IKZF1: variants seen among roughly 807,000 people sequenced by gnomAD.
IKZF1 encodes the protein DNA-binding protein Ikaros.
In IKZF1, 10 loss-of-function variants were observed where a neutral mutation model predicts 51.7. The ratio of observed to expected loss-of-function variants is 0.19; its 90% CI spans 0.12 to 0.33. The LOEUF (loss-of-function observed/expected upper bound fraction) is 0.33, where lower values mean the gene tolerates loss of function less well. Among genes scored for constraint, IKZF1 ranks in the 10% least tolerant of loss-of-function variants. The probability of loss-of-function intolerance (pLI) is 1.00; values close to 1 mark genes in which losing one functional copy is unlikely to be tolerated. For synonymous variants in IKZF1, 280 were observed against 282.3 expected, an observed-to-expected ratio of 0.99 and a Z score of 0.08; for missense variants, 484 against 707.5, an observed-to-expected ratio of 0.68 and a Z score of 3.58.
rs1237905321 is a variant in IKZF1 at position 50,399,940 on chromosome 7, G to T, written c.873G>T (p.Thr291=). The T allele has an allele frequency of 3.1e-6, 5 of 1,612,908 alleles. No individual in the cohort carries two copies. The highest frequency in any genetic ancestry group is 4.2e-6 in the Non-Finnish European group (5 of 1,179,656). Residue 291 remains threonine (T), a synonymous_variant, in exon 8 of 8, where the codon ACG becomes ACT. Coordinates refer to ENST00000331340, the MANE Select transcript of IKZF1 (RefSeq NM_006060.6). ...KFLGDKGLSD[T]PYDSSASYEK... is the part of the protein sequence containing the mutation. ...CAGGGGACAAGGGCCTGTCCGACAC[G>T]CCCTACGACAGCAGCGCCAGCTACG...
At chr7:50,304,298 C>T (rs1329756031), upstream of IKZF1, 3 of 149,398 alleles carry the variant, frequency 2.0e-5, no homozygotes, top group Non-Finnish European at 4.5e-5. Flanking sequence ...GTGTCCCGCT[C>T]TGCGCCCTTC....
Position 50,392,388 on chromosome 7 carries a change from T to TA in IKZF1, c.850+534dup, listed in dbSNP as rs543654509. On this transcript the variant is annotated intron_variant, in intron 7 of 7. Coordinates refer to ENST00000331340, the MANE Select transcript of IKZF1 (RefSeq NM_006060.6). Reference sequence around the variant, plus strand: ...TGTTTTGCCTAATGCTCTGCGGGATTAAAAAAAAAGAAGAAGAAGAACAAG... The same window carrying TA: ...TGTTTTGCCTAATGCTCTGCGGGATTAAAAAAAAAAGAAGAAGAAGAACAAG... Among the ~76,000 whole-genome samples, 1,224 of 150,056 alleles carry TA rather than the reference T, an allele frequency of 8.2e-3. 20 individuals are homozygous for TA. The highest frequency in any genetic ancestry group is 0.025 in the African/African-American group (1,018 of 40,816).
intron 4 of IKZF1, among the ~76,000 whole-genome samples, chr7:50,378,290 C>T (rs547836588): frequency 6.6e-6 from 1 of 152,212 alleles, no homozygotes; most frequent in Admixed American, 6.5e-5. Context: ...TTCTAATGGC[C>T]CCTTTATCCT....
rs1049878518 is a variant in IKZF1, at chr7:50,404,157, C to G, written c.*3530C>G. On this transcript the variant is annotated 3_prime_UTR_variant, in exon 8 of 8. Transcript: ENST00000331340. ...TATGCAATATTGTTTCCAATACTTTCTAATACAGTTTTTTATAATGTTGTG... is the reference window on the plus strand; with the variant it reads ...TATGCAATATTGTTTCCAATACTTTGTAATACAGTTTTTTATAATGTTGTG... The G allele has an allele frequency of 9.3e-6, 2 of 214,894 alleles. No individual in the cohort carries two copies. Among genetic ancestry groups the G allele is most frequent in the Admixed American group, 1.2e-4 (2 of 17,120 alleles). 13.3% of individuals were successfully genotyped at this position (214,894 alleles called of 1,614,324 possible). A position where few individuals can be genotyped will look rare whatever the true frequency, so the allele number is the denominator to read the frequency against.
At chr7:50,395,603 T>C (rs1816488791) in intron 7 of IKZF1, among the ~76,000 whole-genome samples, 1 of 152,246 alleles carries the variant, frequency 6.6e-6, no homozygotes, top group African/African-American at 2.4e-5. Context: ...CATTCTATTC[T>C]GTAATCATAA....
intron 1 of IKZF1, among the ~76,000 whole-genome samples, chr7:50,312,258 A>G (rs1790365699): frequency 6.6e-6 from 1 of 152,222 alleles, no homozygotes; most frequent in Non-Finnish European, 1.5e-5. Flanking sequence ...GCTTCTATCA[A>G]TTTTGACTGT....
At chr7:50,380,338 G>A (rs985163240) in intron 4 of IKZF1, among the ~76,000 whole-genome samples, 2 of 152,300 alleles carry the variant, frequency 1.3e-5, no homozygotes, top group Admixed American at 1.3e-4. Flanking sequence ...ACCCCTGCCC[G>A]CCTGCCTGCC....
rs956291509 is a variant in IKZF1 at position 50,387,355 on chromosome 7, T to G, written c.600T>G (p.Pro200=). ...GHLRTHSVGK[P]HKCGYCGRSY... ...TTGTGTTTTCTGCAGTTGGTAAACCTCACAAATGTGGATATTGTGGCCGAA... is the reference window on the plus strand; with the variant it reads ...TTGTGTTTTCTGCAGTTGGTAAACCGCACAAATGTGGATATTGTGGCCGAA... The change falls in exon 6 of 8, where the codon CCT becomes CCG. Residue 200 remains proline, a synonymous_variant. Transcript: ENST00000331340. 3 of 1,613,454 alleles carry G rather than the reference T, an allele frequency of 1.9e-6. No individual in the cohort carries two copies. The African/African-American group carries it at 4.0e-5, about 22-fold the overall frequency.
intron 3 of IKZF1, among the ~76,000 whole-genome samples, chr7:50,374,268 C>T (rs1414407616): frequency 6.6e-6 from 1 of 152,140 alleles, no homozygotes; most frequent in Non-Finnish European, 1.5e-5. Context: ...AGACATGGAA[C>T]CTGTGGATAT....
At chr7:50,324,052 T>C (rs1185806869) in intron 2 of IKZF1, among the ~76,000 whole-genome samples, 1 of 152,270 alleles carries the variant, frequency 6.6e-6, no homozygotes, top group Non-Finnish European at 1.5e-5. Context: ...GTATTTGAGA[T>C]GCCTGTTGGC....
chr7:50,364,303 A>G (rs1216349832), intron 3 of IKZF1, among the ~76,000 whole-genome samples: 1 of 152,242 alleles, frequency 6.6e-6, no homozygotes, highest in Non-Finnish European at 1.5e-5. Flanking sequence ...CAATTTGGCA[A>G]TTCAAATAGG....
At chr7:50,340,318 G>C (rs1025157965) in intron 3 of IKZF1, among the ~76,000 whole-genome samples, 3 of 152,248 alleles carry the variant, frequency 2.0e-5, no homozygotes, top group African/African-American at 7.2e-5. Context: ...AAGGCCTGCT[G>C]CCAGGAGAGT....
In IKZF1 at chr7:50,402,186, C is replaced by T. The variant is rs1430116531; in HGVS notation, c.*1559C>T. 1 of 230,466 alleles carries T rather than the reference C, an allele frequency of 4.3e-6. No homozygotes were observed. Among genetic ancestry groups the T allele is most frequent in the Non-Finnish European group, 8.6e-6 (1 of 116,292 alleles). 14.3% of individuals were successfully genotyped at this position (230,466 alleles called of 1,614,324 possible). A position where few individuals can be genotyped will look rare whatever the true frequency, so the allele number is the denominator to read the frequency against. On this transcript the variant is annotated 3_prime_UTR_variant, in exon 8 of 8. Transcript: ENST00000331340. ...AGGTCATTACTCTCAACCACCTAGG[C>T]AATGAAGAATATACCATTTCAAATA... is the stretch of plus-strand genomic sequence containing the variant.
chr7:50,382,379 C>T (rs1416715193), intron 4 of IKZF1, among the ~76,000 whole-genome samples, 161 bp from the exon 5 acceptor site: 6 of 152,186 alleles, frequency 3.9e-5, no homozygotes, highest in African/African-American at 1.2e-4. Flanking sequence ...GCCAGTGAAG[C>T]GTTAAGGAGC....
At chr7:50,375,708 C>T in intron 3 of IKZF1, among the ~76,000 whole-genome samples, 1 of 6,290 alleles carries the variant, frequency 1.6e-4, no homozygotes, top group Non-Finnish European at 6.4e-4. Flanking sequence ...ACCTCCCACC[C>T]CCCCCCCCCA....
intron 3 of IKZF1, among the ~76,000 whole-genome samples, chr7:50,330,271 A>G (rs1796159117): frequency 6.6e-6 from 1 of 152,234 alleles, no homozygotes. Flanking sequence ...TAAAAACCCT[A>G]GAAAACCTCT....
At chr7:50,333,132 C>T (rs1209850563) in intron 3 of IKZF1, among the ~76,000 whole-genome samples, 6 of 151,710 alleles carry the variant, frequency 4.0e-5, no homozygotes, top group South Asian at 2.1e-4. Flanking sequence ...CCTCTGGACT[C>T]CAGAACAAAT....
intron 3 of IKZF1, chr7:50,369,087 G>A (rs541362578): frequency 5.2e-5 from 12 of 229,226 alleles, no homozygotes; most frequent in South Asian, 1.8e-4. Flanking sequence ...CCACTTTAAA[G>A]CAATAGCTTG....
chr7:50,375,349 G>A (rs113615265), intron 3 of IKZF1, among the ~76,000 whole-genome samples: 189 of 152,206 alleles, frequency 1.2e-3, no homozygotes, highest in African/African-American at 4.2e-3. Flanking sequence ...ACTTGAGCCC[G>A]GGAGACAGAG....
Sources: allele counts gnomAD v4.1 joint callset (sites outside exome capture counted in the v4.1 genomes callset), GRCh38; gene constraint gnomAD v4.1.1; transcripts MANE v1.5; gene names NCBI Gene and HGNC (gene_info 2026-07-23, HGNC 2026-07-21).